RBL2: variants seen among roughly 807,000 people sequenced by gnomAD.
RBL2 encodes the protein retinoblastoma-like protein 2.
A neutral mutation model predicts 126.0 loss-of-function variants in RBL2; 56 were observed. The ratio of observed to expected loss-of-function variants is 0.44; its 90% CI spans 0.36 to 0.56. The LOEUF (loss-of-function observed/expected upper bound fraction) is 0.56. Among genes scored for constraint, RBL2 ranks in the 20% least tolerant of loss-of-function variants. RBL2 has a pLI of 0.00. For missense variants in RBL2, 1,229 were observed against 1,398.2 expected (o/e 0.88, Z 1.93); for synonymous variants, 454 against 478.5 (o/e 0.95, Z 0.67).
Position 53,470,372 on chromosome 16 carries a change from T to A in RBL2, c.2246-11T>A, listed in dbSNP as rs1201828619. On this transcript the variant is annotated splice_polypyrimidine_tract_variant and intron_variant, in intron 15 of 21. Transcript: ENST00000262133. ...CAACATTTTCTTCATGCTTTTTTTC[T>A]CTGTCACTAGGTATTGCCAATGAAA... is the stretch of plus-strand genomic sequence containing the variant. 1.2e-6 allele frequency: 2 copies of A among 1,604,306 alleles called. No homozygotes were observed. The highest frequency in any genetic ancestry group is 1.7e-6 in the Non-Finnish European group (2 of 1,172,408).
chr16:53,441,317 A>T (rs540123895), intron 2 of RBL2, among the ~76,000 whole-genome samples: 7 of 152,170 alleles, frequency 4.6e-5, no homozygotes, highest in Admixed American at 3.9e-4. Flanking sequence ...CAACTACTTT[A>T]CTAGCAAATT....
chr16:53,480,973 A>T, intron 20 of RBL2: 2 of 448,128 alleles, frequency 4.5e-6, no homozygotes, highest in Non-Finnish European at 8.0e-6. Context: ...AGCCTGGCCA[A>T]CGTGGTAAAA....
chr16:53,447,440 A>G (rs571282758), intron 4 of RBL2, among the ~76,000 whole-genome samples: 4 of 152,234 alleles, frequency 2.6e-5, no homozygotes, highest in Admixed American at 1.3e-4. Flanking sequence ...CATGAGATGT[A>G]TCTTATTTAG....
At chr16:53,456,176 T>G (rs1292814204) in intron 8 of RBL2, among the ~76,000 whole-genome samples, 1 of 108,570 alleles carries the variant, frequency 9.2e-6, no homozygotes, top group African/African-American at 5.3e-5. Flanking sequence ...AGCCTGTCTT[T>G]AAAAAAAAAG....
intron 21 of RBL2, chr16:53,487,613 G>A (rs1598138304): frequency 6.6e-6 from 1 of 152,218 alleles, no homozygotes; most frequent in East Asian, 1.9e-4. Flanking sequence ...AAATCTTAGT[G>A]AACATGTTTT....
In RBL2 at chr16:53,490,171, T is replaced by G; in HGVS notation, c.3291T>G (p.Thr1097=). ...EINSMIRTGE[T]PTKKRGILLE... is the part of the protein sequence containing the mutation. ...ATAGTATGATACGCACAGGAGAAAC[T>G]CCTACTAAAAAGAGAGGAATTCTTT... Residue 1097 remains threonine (T), a synonymous_variant, in exon 22 of 22, where the codon ACT becomes ACG. Coordinates refer to ENST00000262133, the MANE Select transcript of RBL2 (RefSeq NM_005611.4). 6.2e-7 allele frequency: 1 copy of G among 1,612,076 alleles called. No individual in the cohort carries two copies.
intron 17 of RBL2, among the ~76,000 whole-genome samples, chr16:53,474,016 T>C (rs530777514): frequency 6.6e-6 from 1 of 152,232 alleles, no homozygotes; most frequent in South Asian, 2.1e-4. Context: ...GTAAGTCTTA[T>C]TTTTTTCTTT....
In RBL2 at chr16:53,452,539, TC is replaced by T. The variant is rs1194896963; in HGVS notation, c.766+710del. Among the ~76,000 whole-genome samples the T allele has an allele frequency of 2.0e-5, 3 of 152,346 alleles. No homozygotes were observed. In the South Asian group the frequency reaches 6.2e-4, roughly 32 times the overall value. Reference sequence around the variant, plus strand: ...TTTAAAATTAGTGGAGTTCAGTTGCTCCTGGTATGGTAAATTTAATGTTCCT... The same window carrying T: ...TTTAAAATTAGTGGAGTTCAGTTGCTCTGGTATGGTAAATTTAATGTTCCT... On this transcript the variant is annotated intron_variant, in intron 5 of 21. Coordinates refer to ENST00000262133, the MANE Select transcript of RBL2 (RefSeq NM_005611.4).
At chr16:53,480,106 GT>G in intron 19 of RBL2, 115 bp downstream of exon 19, 2 of 710,688 alleles carry the variant, frequency 2.8e-6, no homozygotes, top group Non-Finnish European at 2.3e-6. Flanking sequence ...CTATGAAAGT[GT>G]TTTATAGATC....
At position 53,479,040 on chromosome 16, in the gene RBL2, A is replaced by G. The variant is rs1960839761; in HGVS notation, c.2704-114A>G. 3 of 790,900 alleles carry G rather than the reference A, an allele frequency of 3.8e-6. No homozygotes were observed. In the South Asian group the frequency reaches 4.5e-5, roughly 12 times the overall value. The allele number at this position is 790,900 out of a possible 1,614,324, so 49.0% of individuals were successfully genotyped here. ...CGTTAATACCATTTCCAGAGACTTT[A>G]AATAGCTTTTATATAATTTTCACCC... On this transcript the variant is annotated intron_variant, in intron 17 of 21. Coordinates refer to ENST00000262133, the MANE Select transcript of RBL2 (RefSeq NM_005611.4).
At chr16:53,451,917 G>C in intron 5 of RBL2, 86 bp downstream of exon 5, 1 of 1,439,522 alleles carries the variant, frequency 6.9e-7, no homozygotes, top group East Asian at 2.3e-5. Flanking sequence ...CCTAGCATCA[G>C]TATTTTGAAG....
At chr16:53,464,533 T>A in intron 12 of RBL2, 170 bp downstream of exon 12, 1 of 557,482 alleles carries the variant, frequency 1.8e-6, no homozygotes. Context: ...CCTATGTAAA[T>A]TCTTTTAATA....
intron 1 of RBL2, among the ~76,000 whole-genome samples, chr16:53,435,985 TTAAA>T (rs1389889872): frequency 2.0e-5 from 3 of 152,282 alleles, no homozygotes; most frequent in Admixed American, 1.3e-4. Context: ...GTTCTGAAGA[TTAAA>T]TAAGGCAATA....
At chr16:53,470,318 A>G (rs2058310076) in intron 15 of RBL2, 65 bp from the exon 16 acceptor site, 42 of 1,572,662 alleles carry the variant, frequency 2.7e-5, no homozygotes, top group Non-Finnish European at 3.5e-5. Context: ...CAGAAATTGT[A>G]AACCTCTGCC....
intron 17 of RBL2, among the ~76,000 whole-genome samples, chr16:53,474,221 G>A (rs1265136055): frequency 6.6e-6 from 1 of 152,074 alleles, no homozygotes; most frequent in Non-Finnish European, 1.5e-5. Flanking sequence ...GAACTCCTAA[G>A]CTCAAGCAGT....
chr16:53,467,157 G>A lies in RBL2; in HGVS notation c.1963G>A (p.Gly655Arg). 1 of 1,610,318 alleles carries A rather than the reference G, an allele frequency of 6.2e-7. No homozygotes were observed. The highest frequency in any genetic ancestry group is 8.5e-7 in the Non-Finnish European group (1 of 1,177,206). ...RVTEVRADTG[G>R]LGRSITSPTT... ...GACTGAAGTTCGTGCTGATACTGGA[G>A]GACTTGGAAGGAGTAAGTTTAAAAT... Residue 655 changes from glycine to arginine, a missense_variant, in exon 14 of 22, where the codon GGA (glycine) becomes AGA (arginine). Physicochemically the swap from Gly to Arg is moderately radical, Grantham distance 125. Coordinates refer to ENST00000262133, the MANE Select transcript of RBL2 (RefSeq NM_005611.4).
intron 3 of RBL2, among the ~76,000 whole-genome samples, 183 bp from the exon 4 acceptor site, chr16:53,446,859 G>C (rs1452781529): frequency 6.6e-6 from 1 of 152,100 alleles, no homozygotes; most frequent in Non-Finnish European, 1.5e-5. Context: ...TCTTTCCCTG[G>C]ATCCCAGCTA....
At chr16:53,469,740 C>T (rs749686435) in intron 14 of RBL2, among the ~76,000 whole-genome samples, 176 bp from the exon 15 acceptor site, 6 of 152,242 alleles carry the variant, frequency 3.9e-5, no homozygotes, top group South Asian at 2.1e-4. Flanking sequence ...TCACTGAACA[C>T]GAATGAAAGT....
chr16:53,441,166 A>T (rs1183029671), intron 2 of RBL2, among the ~76,000 whole-genome samples: 1 of 151,110 alleles, frequency 6.6e-6, no homozygotes, highest in Non-Finnish European at 1.5e-5. Context: ...CACCGTGTTG[A>T]CCAGGCTAGT....
Sources: allele counts gnomAD v4.1 joint callset (sites outside exome capture counted in the v4.1 genomes callset), GRCh38; gene constraint gnomAD v4.1.1; transcripts MANE v1.5; gene names NCBI Gene and HGNC (gene_info 2026-07-23, HGNC 2026-07-21).